TRIM44: variants seen among roughly 807,000 people sequenced by gnomAD.
The protein encoded by TRIM44 is tripartite motif-containing protein 44.
In TRIM44, 13 loss-of-function variants were observed where a neutral mutation model predicts 37.4. The ratio of observed to expected loss-of-function variants is 0.35; its 90% CI spans 0.23 to 0.55. TRIM44 has a LOEUF of 0.55. TRIM44 is among the 20% of genes least tolerant of loss of function. The pLI, the probability that TRIM44 is intolerant of heterozygous loss-of-function variation, is 0.89. For missense variants in TRIM44, 426 were observed against 437.2 expected (o/e 0.97, Z 0.23); for synonymous variants, 175 against 157.2 (o/e 1.11, Z -0.85).
rs1347835279 is a variant in TRIM44 at position 35,806,399 on chromosome 11, C to T, written c.*14C>T. On this transcript the variant is annotated 3_prime_UTR_variant, in exon 5 of 5. Coordinates refer to ENST00000299413, the MANE Select transcript of TRIM44 (RefSeq NM_017583.6). ...GAGGACACATGAAGGCTTGCTACCCCCAGTGGAAAATCATCCCCTCCCCTT... is the reference window on the plus strand; with the variant it reads ...GAGGACACATGAAGGCTTGCTACCCTCAGTGGAAAATCATCCCCTCCCCTT... 1 of 1,613,648 alleles carries T rather than the reference C, an allele frequency of 6.2e-7. No homozygotes were observed.
chr11:35,746,293 C>T (rs904410768), intron 4 of TRIM44, among the ~76,000 whole-genome samples: 1 of 152,128 alleles, frequency 6.6e-6, no homozygotes, highest in East Asian at 1.9e-4. Context: ...GCCTCCCTCA[C>T]CTGTGGACAG....
At chr11:35,796,209 G>C (rs1590607315) in intron 4 of TRIM44, among the ~76,000 whole-genome samples, 1 of 152,118 alleles carries the variant, frequency 6.6e-6, no homozygotes, top group African/African-American at 2.4e-5. Flanking sequence ...ACTGAGAACT[G>C]TTTTCTGTGT....
chr11:35,782,193 G>T (rs551686585), intron 4 of TRIM44, among the ~76,000 whole-genome samples: 6 of 152,252 alleles, frequency 3.9e-5, no homozygotes, highest in African/African-American at 1.4e-4. Context: ...TCCAGCGGGT[G>T]GGGGGAATCC....
At chr11:35,768,697 T>C (rs963149226) in intron 4 of TRIM44, among the ~76,000 whole-genome samples, 6 of 152,244 alleles carry the variant, frequency 3.9e-5, no homozygotes, top group Non-Finnish European at 7.3e-5. Flanking sequence ...TTTTCTCCCA[T>C]GGTGACCTAG....
At chr11:35,765,862 A>G (rs776634399) in intron 4 of TRIM44, among the ~76,000 whole-genome samples, 5 of 152,172 alleles carry the variant, frequency 3.3e-5, no homozygotes, top group Non-Finnish European at 5.9e-5. Context: ...TGGTATAACT[A>G]TGTCTCCTGT....
intron 4 of TRIM44, among the ~76,000 whole-genome samples, chr11:35,765,851 T>C (rs1852791647): frequency 6.6e-6 from 1 of 152,194 alleles, no homozygotes; most frequent in African/African-American, 2.4e-5. Context: ...CAGTTCTTCT[T>C]TGGTATAACT....
intron 2 of TRIM44, among the ~76,000 whole-genome samples, chr11:35,719,199 G>A (rs1464742452): frequency 2.0e-5 from 3 of 152,038 alleles, no homozygotes; most frequent in African/African-American, 7.2e-5. Flanking sequence ...CATTCCCACC[G>A]CAATGAATGA....
At chr11:35,746,442 CCTT>C (rs896625499) in intron 4 of TRIM44, among the ~76,000 whole-genome samples, 1 of 87,210 alleles carries the variant, frequency 1.1e-5, no homozygotes, top group African/African-American at 4.5e-5. Context: ...TTCCGGGGGT[CCTT>C]CTTTTTTTTT....
intron 4 of TRIM44, among the ~76,000 whole-genome samples, chr11:35,766,390 G>A (rs1038187016): frequency 6.6e-6 from 1 of 152,298 alleles, no homozygotes; most frequent in East Asian, 1.9e-4. Flanking sequence ...CCAGGGTAGA[G>A]CAGAAGGGTA....
In TRIM44 at chr11:35,697,640, T is replaced by A. The variant is rs566554579; in HGVS notation, c.747+12304T>A. 4.6e-5 allele frequency among the ~76,000 whole-genome samples: 7 copies of A among 151,882 alleles called. No individual in the cohort carries two copies. The South Asian group carries it at 1.5e-3, about 32-fold the overall frequency. On this transcript the variant is annotated intron_variant, in intron 2 of 4. Coordinates refer to ENST00000299413, the MANE Select transcript of TRIM44 (RefSeq NM_017583.6). ...CACAACAGTCCCCAGAGTGTGATGT[T>A]CCCCTTCCTGTGTCCATGTGTTCTC...
Position 35,733,224 on chromosome 11 carries a change from C to T in TRIM44, c.988-2202C>T, listed in dbSNP as rs895541444. ...AAGCTTCACTTTTGGGATTAATGAA[C>T]CAGAATTTGAGACCATGTTTTTATA... On this transcript the variant is annotated intron_variant, in intron 3 of 4. Coordinates refer to ENST00000299413, the MANE Select transcript of TRIM44 (RefSeq NM_017583.6). Among the ~76,000 whole-genome samples, 13 of 152,054 alleles carry T rather than the reference C, an allele frequency of 8.5e-5. No homozygotes were observed. The South Asian group carries it at 2.1e-3, about 24-fold the overall frequency.
intron 2 of TRIM44, among the ~76,000 whole-genome samples, chr11:35,693,362 T>C (rs1316085920): frequency 6.6e-6 from 1 of 152,132 alleles, no homozygotes; most frequent in African/African-American, 2.4e-5. Context: ...GATGTCAGTA[T>C]TACCATCATA....
At chr11:35,739,363 G>C (rs1852363320) in intron 4 of TRIM44, among the ~76,000 whole-genome samples, 1 of 152,180 alleles carries the variant, frequency 6.6e-6, no homozygotes, top group South Asian at 2.1e-4. Flanking sequence ...TCTGGCTTCA[G>C]AGTTTAACCA....
intron 4 of TRIM44, among the ~76,000 whole-genome samples, chr11:35,780,558 G>A (rs1853049517): frequency 6.6e-6 from 1 of 152,170 alleles, no homozygotes; most frequent in African/African-American, 2.4e-5. Context: ...TGCTATCACG[G>A]TCTCATTTAA....
chr11:35,765,889 C>T (rs1852792351), intron 4 of TRIM44, among the ~76,000 whole-genome samples: 1 of 152,044 alleles, frequency 6.6e-6, no homozygotes, highest in South Asian at 2.1e-4. Context: ...CTGTGTTTGT[C>T]GGAGACTAAT....
At chr11:35,784,359 T>C (rs1295726850) in intron 4 of TRIM44, among the ~76,000 whole-genome samples, 1 of 152,212 alleles carries the variant, frequency 6.6e-6, no homozygotes, top group Non-Finnish European at 1.5e-5. Flanking sequence ...TTATTACGAA[T>C]TTTTATTCAA....
intron 4 of TRIM44, among the ~76,000 whole-genome samples, chr11:35,797,581 T>C (rs536690435): frequency 2.6e-5 from 4 of 152,314 alleles, no homozygotes; most frequent in South Asian, 2.1e-4. Context: ...ACCCTTGATA[T>C]GATGTAATGA....
intron 4 of TRIM44, among the ~76,000 whole-genome samples, chr11:35,746,224 G>A (rs1852488640): frequency 6.6e-6 from 1 of 152,152 alleles, no homozygotes; most frequent in Non-Finnish European, 1.5e-5. Context: ...TGGATTTTAG[G>A]AAGTCACACA....
chr11:35,671,602 C>G (rs935691058), intron 1 of TRIM44, among the ~76,000 whole-genome samples: 1 of 152,152 alleles, frequency 6.6e-6, no homozygotes, highest in Non-Finnish European at 1.5e-5. Flanking sequence ...CAAGTTCTTG[C>G]CAAAGTCTGC....
Sources: gnomAD v4.1 joint callset for allele counts (sites outside exome capture counted in the v4.1 genomes callset) on GRCh38, gnomAD v4.1.1 for gene constraint, MANE v1.5 for transcripts, NCBI Gene and HGNC (gene_info 2026-07-23, HGNC 2026-07-21) for gene names.